GREB1L: variants seen among roughly 807,000 people sequenced by gnomAD.
GREB1L encodes GREB1 like retinoic acid receptor coactivator, also known as GREB1-like protein.
Under a neutral mutation model 200.8 loss-of-function variants are expected in GREB1L, and 17 were observed. The ratio of observed to expected loss-of-function variants is 0.08; its 90% CI spans 0.06 to 0.13. The LOEUF (loss-of-function observed/expected upper bound fraction) is 0.13, where lower values mean the gene tolerates loss of function less well. Ranked by LOEUF, GREB1L falls within the 10% of genes least tolerant of loss-of-function variation. The probability of loss-of-function intolerance (pLI) is 1.00; values close to 1 mark genes in which losing one functional copy is unlikely to be tolerated. For synonymous variants in GREB1L, 789 were observed against 893.0 expected, an observed-to-expected ratio of 0.88 and a Z score of 2.08; for missense variants, 1,657 against 2,367.7, an observed-to-expected ratio of 0.70 and a Z score of 6.23.
At position 21,426,051 on chromosome 18, in the gene GREB1L, A is replaced by G. The variant is rs184430166; in HGVS notation, c.833-13470A>G. 1.3e-4 allele frequency among the ~76,000 whole-genome samples: 18 copies of G among 143,460 alleles called. No individual in the cohort carries two copies. In the Admixed American group the frequency reaches 1.3e-3, roughly 10 times the overall value. The allele number at this position is 143,460 out of a possible 152,430, so 94.1% of individuals were successfully genotyped here. On this transcript the variant is annotated intron_variant, in intron 7 of 32. Coordinates refer to ENST00000424526, the MANE Select transcript of GREB1L (RefSeq NM_001142966.3). ...TACATTTAGATGTATAATCTATTTT[A>G]GGTTAATTTTTTTTTTTTTTTTTGA...
intron 1 of GREB1L, among the ~76,000 whole-genome samples, chr18:21,325,813 CAAAAAAAAAAAAA>C (rs60239796): frequency 1.4e-4 from 6 of 41,694 alleles, no homozygotes; most frequent in East Asian, 8.8e-4. Context: ...GACCTTGTCT[CAAAAAAAAAAAAA>C]AAAAAAAAAA....
intron 1 of GREB1L, among the ~76,000 whole-genome samples, chr18:21,283,613 A>T (rs2038307131): frequency 6.6e-6 from 1 of 152,284 alleles, no homozygotes; most frequent in African/African-American, 2.4e-5. Flanking sequence ...CCAAGTGGGG[A>T]AGTGACTGGG....
intron 1 of GREB1L, among the ~76,000 whole-genome samples, chr18:21,344,038 G>A (rs1278699879): frequency 1.3e-5 from 2 of 152,074 alleles, no homozygotes; most frequent in African/African-American, 4.8e-5. Context: ...GTCCCCCAAA[G>A]TGTTAGGATT....
intron 2 of GREB1L, among the ~76,000 whole-genome samples, chr18:21,367,304 G>A (rs2039713088): frequency 6.6e-6 from 1 of 152,196 alleles, no homozygotes; most frequent in African/African-American, 2.4e-5. Flanking sequence ...TGTTGGCAAC[G>A]TCTATAAGAG....
chr18:21,352,671 C>G (rs1430326520), intron 1 of GREB1L, among the ~76,000 whole-genome samples: 1 of 151,446 alleles, frequency 6.6e-6, no homozygotes, highest in African/African-American at 2.4e-5. Flanking sequence ...TGAGCTCAAA[C>G]AATCCACCCG....
At chr18:21,326,709 A>T (rs2039027760) in intron 1 of GREB1L, among the ~76,000 whole-genome samples, 1 of 152,238 alleles carries the variant, frequency 6.6e-6, no homozygotes, top group Admixed American at 6.5e-5. Context: ...TAAAACAATA[A>T]CATGAGAATA....
At chr18:21,489,484 T>C (rs932430458) in intron 18 of GREB1L, among the ~76,000 whole-genome samples, 1 of 152,236 alleles carries the variant, frequency 6.6e-6, no homozygotes, top group Non-Finnish European at 1.5e-5. Flanking sequence ...GTTTCCTGTA[T>C]TGTAATCTTA....
Position 21,277,927 on chromosome 18 carries a change from A to G in GREB1L, c.-120+35534A>G, listed in dbSNP as rs2038196000. On this transcript the variant is annotated intron_variant, in intron 1 of 32. Coordinates refer to ENST00000424526, the MANE Select transcript of GREB1L (RefSeq NM_001142966.3). ...TGAGAGAATGGAAGTAAGGAAGAAG[A>G]GTGAAAGCAAGAAAGTGCCAAAAAT... Among the ~76,000 whole-genome samples, 6 of 152,330 alleles carry G rather than the reference A, an allele frequency of 3.9e-5. 1 individual carries two copies. The South Asian group carries it at 1.2e-3, about 32-fold the overall frequency.
chr18:21,455,408 G>T (rs549853127), intron 15 of GREB1L, among the ~76,000 whole-genome samples: 15 of 152,200 alleles, frequency 9.9e-5, no homozygotes, highest in Admixed American at 9.2e-4. Context: ...TCGGCCGGGG[G>T]CGGTGGCTCG....
intron 7 of GREB1L, among the ~76,000 whole-genome samples, chr18:21,432,089 A>AT (rs1442204468): frequency 6.6e-6 from 1 of 151,370 alleles, no homozygotes; most frequent in Non-Finnish European, 1.5e-5. Flanking sequence ...CGTCCGGCTA[A>AT]TTTTTTTGTA....
intron 16 of GREB1L, among the ~76,000 whole-genome samples, chr18:21,473,859 G>C (rs1400742984): frequency 6.6e-6 from 1 of 152,232 alleles, no homozygotes; most frequent in Non-Finnish European, 1.5e-5. Flanking sequence ...ATAAGGCAGG[G>C]AGGAGCAAGT....
At chr18:21,378,078 T>A (rs961465629) in intron 2 of GREB1L, among the ~76,000 whole-genome samples, 4 of 152,216 alleles carry the variant, frequency 2.6e-5, no homozygotes, top group Admixed American at 2.0e-4. Flanking sequence ...TTGAAAAGTA[T>A]CTTTCCATCT....
chr18:21,314,119 C>G (rs957772925), intron 1 of GREB1L, among the ~76,000 whole-genome samples: 2 of 152,198 alleles, frequency 1.3e-5, no homozygotes, highest in South Asian at 2.1e-4. Context: ...TTTGTCTTGC[C>G]TGTTCACCTG....
chr18:21,441,657 T>TTTATTGGTCAGCTC (rs1234823531), intron 10 of GREB1L, 120 bp downstream of exon 10: 3 of 974,984 alleles, frequency 3.1e-6, no homozygotes, highest in East Asian at 5.4e-5. Flanking sequence ...TCTGTCAGCT[T>TTTATTGGTCAGCTC]TTATTGGTCA....
chr18:21,245,279 A>G (rs1037375992), intron 1 of GREB1L, among the ~76,000 whole-genome samples: 2 of 152,244 alleles, frequency 1.3e-5, no homozygotes, highest in Non-Finnish European at 2.9e-5. Context: ...CTGATGAAAC[A>G]TATGTAATTA....
Position 21,289,767 on chromosome 18 carries a change from G to T in GREB1L, c.-120+47374G>T, listed in dbSNP as rs956190239. ...TAATCTGGATTGTTTTCTGCTTTAGGCAATTAAATCAGAATTGTATATTTG... is the reference window on the plus strand; with the variant it reads ...TAATCTGGATTGTTTTCTGCTTTAGTCAATTAAATCAGAATTGTATATTTG... On this transcript the variant is annotated intron_variant, in intron 1 of 32. Transcript: ENST00000424526. Among the ~76,000 whole-genome samples, 43 of 152,072 alleles carry T rather than the reference G, an allele frequency of 2.8e-4. 1 individual carries two copies. Among genetic ancestry groups the T allele is most frequent in the Admixed American group, 2.8e-3 (43 of 15,256 alleles).
intron 6 of GREB1L, chr18:21,401,742 T>C (rs2041326391): frequency 6.5e-6 from 1 of 154,810 alleles, no homozygotes; most frequent in Admixed American, 6.4e-5. Context: ...TAAACATTAA[T>C]GTTCTCTTCA....
At chr18:21,457,991 C>T (rs1025376195) in intron 15 of GREB1L, among the ~76,000 whole-genome samples, 2 of 142,618 alleles carry the variant, frequency 1.4e-5, no homozygotes, top group South Asian at 2.2e-4. Flanking sequence ...TTTTTGAGGC[C>T]GAGTTTTGCT....
rs533233743 is a variant in GREB1L, at chr18:21,367,864, G to C, written c.-10+1728G>C. ...TGGAGAAGGGAAAAATCTGCATATT[G>C]TAAAAGCTCTCTTTACCACAACCCA... On this transcript the variant is annotated intron_variant, in intron 2 of 32. Transcript: ENST00000424526. Among the ~76,000 whole-genome samples, 214 of 152,264 alleles carry C rather than the reference G, an allele frequency of 1.4e-3. 2 individuals carry two copies. The highest frequency in any genetic ancestry group is 3.8e-4 in the Non-Finnish European group (26 of 68,028).
Sources: allele counts gnomAD v4.1 joint callset (sites outside exome capture counted in the v4.1 genomes callset), GRCh38; gene constraint gnomAD v4.1.1; transcripts MANE v1.5; gene names NCBI Gene and HGNC (gene_info 2026-07-23, HGNC 2026-07-21).